RELB: variants seen among roughly 807,000 people sequenced by gnomAD.
RELB encodes transcription factor RelB.
In RELB, 14 loss-of-function variants were observed where a neutral mutation model predicts 55.4. The ratio of observed to expected loss-of-function variants is 0.25; its 90% confidence interval spans 0.17 to 0.40. The LOEUF is 0.40. RELB is among the 10% of genes least tolerant of loss of function. The pLI is 1.00. For synonymous variants in RELB, 409 were observed against 371.3 expected (o/e 1.10, Z -1.17); for missense variants, 669 against 830.7 (o/e 0.81, Z 2.39).
chr19:45,021,475 A>T (rs1223052950), intron 4 of RELB, among the ~76,000 whole-genome samples: 1 of 145,226 alleles, frequency 6.9e-6, no homozygotes, highest in Non-Finnish European at 1.5e-5. Flanking sequence ...AAAAAAAAAA[A>T]GCCTGAGTGG....
At chr19:45,030,781 A>T (rs1343980483) in intron 8 of RELB, among the ~76,000 whole-genome samples, 1 of 152,194 alleles carries the variant, frequency 6.6e-6, no homozygotes, top group Non-Finnish European at 1.5e-5. Context: ...TGGGCAATAG[A>T]GCGAGACTCT....
intron 6 of RELB, 90 bp from the exon 7 acceptor site, chr19:45,025,516 C>A: frequency 6.4e-7 from 1 of 1,573,424 alleles, no homozygotes; most frequent in Non-Finnish European, 8.7e-7. Flanking sequence ...GCCCCACCGT[C>A]TCCTCCAGCC....
At position 45,032,688 on chromosome 19, in the gene RELB, G is replaced by A; in HGVS notation, c.1146G>A (p.Gln382=). The A allele has an allele frequency of 6.2e-7, 1 of 1,611,010 alleles. No individual in the cohort carries two copies. The highest frequency in any genetic ancestry group is 8.5e-7 in the Non-Finnish European group (1 of 1,178,812). The change falls in exon 9 of 12, where the codon CAG becomes CAA. Residue 382 remains glutamine, a synonymous_variant. Transcript: ENST00000221452. ...VEPVTVNVFL[Q]RLTDGVCSEP... ...CCGTGACAGTCAACGTCTTCCTGCAGCGGCTCACCGATGGGGTCTGCAGCG... is the reference window on the plus strand; with the variant it reads ...CCGTGACAGTCAACGTCTTCCTGCAACGGCTCACCGATGGGGTCTGCAGCG...
In RELB at chr19:45,022,097, C is replaced by T; in HGVS notation, c.549C>T (p.Cys183=). 2.5e-6 allele frequency: 4 copies of T among 1,613,558 alleles called. No individual in the cohort carries two copies. Among genetic ancestry groups the T allele is most frequent in the Middle Eastern group, 1.7e-4 (1 of 5,950 alleles). The change falls in exon 5 of 12, where the codon TGC becomes TGT. Residue 183 remains cysteine, a synonymous_variant. Coordinates refer to ENST00000221452, the MANE Select transcript of RELB (RefSeq NM_006509.4). ...GGLREVEVTA[C]LVWKDWPHRV... ...TGCGGGAGGTGGAGGTGACTGCCTG[C>T]CTGGTGTGGAAGGACTGGCCTCACC... is the stretch of plus-strand genomic sequence containing the variant.
intron 8 of RELB, among the ~76,000 whole-genome samples, chr19:45,031,990 C>T (rs1373816743): frequency 6.6e-6 from 1 of 151,644 alleles, no homozygotes; most frequent in Non-Finnish European, 1.5e-5. Context: ...GTAATCCCAG[C>T]ACTTTGGGAG....
chr19:45,034,342 A>G (rs749853122), intron 10 of RELB, 30 bp downstream of exon 10: 1 of 1,601,296 alleles, frequency 6.2e-7, no homozygotes, highest in Non-Finnish European at 8.6e-7. Flanking sequence ...TTCCACCCCC[A>G]TCCCCAGGTT....
At chr19:45,020,659 G>A (rs1002097060) in intron 4 of RELB, among the ~76,000 whole-genome samples, 4 of 144,708 alleles carry the variant, frequency 2.8e-5, no homozygotes, top group Non-Finnish European at 5.9e-5. Flanking sequence ...CCGGGTTCAC[G>A]CCATTCTTCT....
Position 45,037,757 on chromosome 19 carries a change from C to T in RELB, c.1707C>T (p.Gly569=), listed in dbSNP as rs761104551. 1.4e-5 allele frequency: 21 copies of T among 1,486,992 alleles called. No individual in the cohort carries two copies. Among genetic ancestry groups the T allele is most frequent in the Middle Eastern group, 2.0e-4 (1 of 4,882 alleles). The allele number at this position is 1,486,992 out of a possible 1,614,324, so 92.1% of individuals were successfully genotyped here. A position where few individuals can be genotyped will look rare whatever the true frequency, so the allele number is the denominator to read the frequency against. ...ATTACCGCGAGGCGGCCTTTGGGGG[C>T]GGCCTCCTATCCCCGGGGCCTGAAG... The part of the protein sequence containing the change: ...PNHYREAAFG[G]GLLSPGPEAT Residue 569 remains glycine (G), a synonymous_variant, in exon 12 of 12, where the codon GGC becomes GGT. Transcript: ENST00000221452.
chr19:45,009,331 T>A (rs1039389054), intron 2 of RELB, among the ~76,000 whole-genome samples: 6 of 152,162 alleles, frequency 3.9e-5, no homozygotes, highest in African/African-American at 1.2e-4. Flanking sequence ...TCTGCCCACC[T>A]CAGCCTCCCA....
In RELB at chr19:45,037,507, A is replaced by G. The variant is rs1332372306; in HGVS notation, c.1457A>G (p.Asp486Gly). Residue 486 changes from aspartate (D) to glycine (G), a missense_variant, in exon 12 of 12, where the codon GAC becomes GGC. Around this residue, in one of 3 missense-constraint regions of RELB, gnomAD observed 341 missense variants for 436.8 expected, o/e 0.78. Transcript: ENST00000221452. ...CCCCCTGGCGGGCCTGACCTCCTGG[A>G]CGATGGCTTTGCCTACGACCCTACG... is the stretch of plus-strand genomic sequence containing the variant. ...LEPPGGPDLL[D>G]DGFAYDPTAP... 1 of 1,613,088 alleles carries G rather than the reference A, an allele frequency of 6.2e-7. No homozygotes were observed. The highest frequency in any genetic ancestry group is 1.1e-5 in the South Asian group (1 of 91,078).
At chr19:45,037,362 A>G (rs2122502843) in intron 11 of RELB, 43 bp from the exon 12 acceptor site, 1 of 1,485,056 alleles carries the variant, frequency 6.7e-7, no homozygotes, top group Non-Finnish European at 8.9e-7. Context: ...ATCAGAAGTT[A>G]GCCCTAAATC....
intron 2 of RELB, among the ~76,000 whole-genome samples, chr19:45,005,096 G>A (rs1159104622): frequency 5.9e-5 from 9 of 152,080 alleles, no homozygotes; most frequent in Non-Finnish European, 1.0e-4. Context: ...ACTTGAACCC[G>A]GGAGGCGGAA....
chr19:45,001,740 G>T, intron 1 of RELB, 55 bp downstream of exon 1: 1 of 1,201,674 alleles, frequency 8.3e-7, no homozygotes, highest in Non-Finnish European at 1.1e-6. Flanking sequence ...GAGATGCGGG[G>T]ATTCTGGCGG....
In RELB at chr19:45,034,513, C is replaced by T; in HGVS notation, c.1339C>T (p.Pro447Ser). The T allele has an allele frequency of 1.2e-6, 2 of 1,604,626 alleles. No homozygotes were observed. Reference sequence around the variant, plus strand: ...GCCGGCCATCCTGGACCACTTCCTGCCCAACCACGGCTCAGGTGGGTCCCA... The same window carrying T: ...GCCGGCCATCCTGGACCACTTCCTGTCCAACCACGGCTCAGGTGGGTCCCA... ...KKPAILDHFL[P>S]NHGSGPFLPP... Residue 447 changes from proline to serine, a missense_variant, in exon 11 of 12, where the codon CCC (proline) becomes TCC (serine). Pro to Ser is a moderately conservative substitution (Grantham distance 74, BLOSUM62 -1). This residue lies in a region of RELB where 341 missense variants were observed against 436.8 expected (regional missense o/e 0.78). Coordinates refer to ENST00000221452, the MANE Select transcript of RELB (RefSeq NM_006509.4).
chr19:45,035,527 C>T (rs1159289443), intron 11 of RELB, among the ~76,000 whole-genome samples: 1 of 151,100 alleles, frequency 6.6e-6, no homozygotes, highest in Admixed American at 6.6e-5. Context: ...AAAACAACAA[C>T]AACAACAACA....
intron 4 of RELB, among the ~76,000 whole-genome samples, chr19:45,018,276 C>A (rs1376160515): frequency 6.6e-6 from 1 of 152,004 alleles, no homozygotes; most frequent in Non-Finnish European, 1.5e-5. Context: ...TGGTGGCGGG[C>A]GCCTATAGTC....
At chr19:45,023,346 T>G (rs1971512069) in intron 5 of RELB, among the ~76,000 whole-genome samples, 1 of 152,124 alleles carries the variant, frequency 6.6e-6, no homozygotes, top group African/African-American at 2.4e-5. Context: ...TTTTGATGAG[T>G]GCCCCAAAAC....
rs185799285 is a variant in RELB at position 45,015,595 on chromosome 19, C to T, written c.504+3319C>T. ...TATAAAAATAAAAAAATTAGCCAGG[C>T]GTGGTGGCATGCGCCTGGGGTCCCA... On this transcript the variant is annotated intron_variant, in intron 4 of 11. Transcript: ENST00000221452. Among the ~76,000 whole-genome samples the T allele has an allele frequency of 3.7e-3, 561 of 152,018 alleles. 10 individuals carry two copies. The highest frequency in any genetic ancestry group is 0.013 in the African/African-American group (538 of 41,506).
intron 7 of RELB, 96 bp from the exon 8 acceptor site, chr19:45,028,791 GC>G: frequency 1.1e-6 from 1 of 906,908 alleles, no homozygotes; most frequent in Admixed American, 2.2e-5. Flanking sequence ...CGTCTCCAGG[GC>G]CCCGGGGATG....
Sources: gnomAD v4.1 joint callset for allele counts (sites outside exome capture counted in the v4.1 genomes callset) on GRCh38, gnomAD v4.1.1 for gene constraint, gnomAD v4.1.1 regional missense constraint, MANE v1.5 for transcripts, NCBI Gene and HGNC (gene_info 2026-07-23, HGNC 2026-07-21) for gene names.